The following TAF3 variants were observed in gnomAD, a reference collection of about 807,000 sequenced individuals.
TAF3 encodes transcription initiation factor TFIID subunit 3.
A neutral mutation model predicts 80.6 loss-of-function variants in TAF3; 7 were observed. The ratio of observed to expected loss-of-function variants is 0.09; its 90% confidence interval spans 0.05 to 0.16. TAF3 has a LOEUF of 0.16. Ranked by LOEUF, TAF3 falls within the 10% of genes least tolerant of loss-of-function variation. The pLI, the probability that TAF3 is intolerant of heterozygous loss-of-function variation, is 1.00. For synonymous variants in TAF3, 444 were observed against 446.1 expected (o/e 1.00, Z 0.06); for missense variants, 921 against 1,140.2 (o/e 0.81, Z 2.77).
intron 2 of TAF3, among the ~76,000 whole-genome samples, chr10:7,923,067 T>G (rs1331696749): frequency 6.6e-6 from 1 of 152,096 alleles, no homozygotes; most frequent in African/African-American, 2.4e-5. Flanking sequence ...AGTTTTTTCT[T>G]TCTATATGAA....
chr10:7,970,807 T>C (rs891759794), intron 3 of TAF3, among the ~76,000 whole-genome samples: 6 of 152,244 alleles, frequency 3.9e-5, no homozygotes, highest in African/African-American at 1.4e-4. Flanking sequence ...CGGTTTGTTC[T>C]TTAGAGAATG....
intron 2 of TAF3, among the ~76,000 whole-genome samples, chr10:7,915,570 G>A (rs1432961466): frequency 6.7e-6 from 1 of 150,204 alleles, no homozygotes; most frequent in Non-Finnish European, 1.5e-5. Flanking sequence ...GTGAACCCGG[G>A]AGGCGGATCT....
At chr10:7,914,134 G>T (rs1281021877) in intron 2 of TAF3, among the ~76,000 whole-genome samples, 1 of 152,192 alleles carries the variant, frequency 6.6e-6, no homozygotes, top group African/African-American at 2.4e-5. Context: ...ATATAGACTG[G>T]GTACTAAGAT....
rs147583866 is a variant in TAF3, at chr10:7,874,945, A to G, written c.409+50385A>G. Among the ~76,000 whole-genome samples the G allele has an allele frequency of 2.0e-3, 300 of 152,088 alleles. 1 individual carries two copies. Among genetic ancestry groups the G allele is most frequent in the African/African-American group, 6.4e-3 (264 of 41,518 alleles). ...TCCTTTCTAAACTTTTTAGACTTCT[A>G]GTTTGGAATGTTGTGGTGCCTGCTT... On this transcript the variant is annotated intron_variant, in intron 2 of 6. Transcript: ENST00000344293.
In TAF3 at chr10:7,949,490, G is replaced by A. The variant is rs549156607; in HGVS notation, c.410-14430G>A. Among the ~76,000 whole-genome samples, 6 of 152,300 alleles carry A rather than the reference G, an allele frequency of 3.9e-5. No homozygotes were observed. In the South Asian group the frequency reaches 1.2e-3, roughly 32 times the overall value. Reference sequence around the variant, plus strand: ...CTGTCCTAGCCTTTCCCTTTGCATCGCATTATGTAAGTCCTCCCTTCTTTG... The same window carrying A: ...CTGTCCTAGCCTTTCCCTTTGCATCACATTATGTAAGTCCTCCCTTCTTTG... On this transcript the variant is annotated intron_variant, in intron 2 of 6. Transcript: ENST00000344293.
intron 2 of TAF3, among the ~76,000 whole-genome samples, chr10:7,917,166 CA>C (rs1837719164): frequency 6.6e-6 from 1 of 152,020 alleles, no homozygotes; most frequent in South Asian, 2.1e-4. Flanking sequence ...GGGAGACAGA[CA>C]ATATAAAAGT....
intron 4 of TAF3, among the ~76,000 whole-genome samples, chr10:8,007,249 C>G (rs1221265388): frequency 2.0e-5 from 3 of 151,946 alleles, no homozygotes; most frequent in South Asian, 2.1e-4. Context: ...ATGGATAAAT[C>G]AGGAGACATA....
At chr10:7,970,951 T>A (rs967295344) in intron 3 of TAF3, among the ~76,000 whole-genome samples, 3 of 152,226 alleles carry the variant, frequency 2.0e-5, no homozygotes, top group Non-Finnish European at 2.9e-5. Context: ...GAAGGGTTTT[T>A]TTTGTAAATA....
intron 2 of TAF3, among the ~76,000 whole-genome samples, chr10:7,958,140 C>G (rs917295792): frequency 6.6e-6 from 1 of 150,602 alleles, no homozygotes; most frequent in African/African-American, 2.4e-5. Flanking sequence ...TTCACCTTTA[C>G]CAGTGGTAGA....
chr10:7,999,799 G>A (rs1831926012), intron 4 of TAF3, among the ~76,000 whole-genome samples: 1 of 152,134 alleles, frequency 6.6e-6, no homozygotes. Context: ...CATTGTAGGA[G>A]GTTTTCTCTT....
intron 1 of TAF3, 113 bp from the exon 2 acceptor site, chr10:7,824,205 G>A: frequency 8.2e-7 from 1 of 1,220,150 alleles, no homozygotes; most frequent in Non-Finnish European, 1.1e-6. Context: ...CAATAACTAG[G>A]TTAAAATGTT....
chr10:7,911,057 G>A (rs1837652885), intron 2 of TAF3, among the ~76,000 whole-genome samples: 2 of 152,104 alleles, frequency 1.3e-5, no homozygotes, highest in Non-Finnish European at 2.9e-5. Context: ...GGGTGCAGAT[G>A]GTATTTTGAC....
At chr10:7,825,978 T>C (rs763011999) in intron 2 of TAF3, among the ~76,000 whole-genome samples, 1 of 152,236 alleles carries the variant, frequency 6.6e-6, no homozygotes, top group Non-Finnish European at 1.5e-5. Context: ...TGCCCAAGGG[T>C]TCCAATTTCT....
intron 2 of TAF3, among the ~76,000 whole-genome samples, chr10:7,933,462 A>C (rs958195595): frequency 1.3e-5 from 2 of 152,146 alleles, no homozygotes; most frequent in African/African-American, 4.8e-5. Context: ...CACTTGGGCT[A>C]TTGGACAGCA....
At chr10:7,939,403 A>C (rs1415403877) in intron 2 of TAF3, among the ~76,000 whole-genome samples, 2 of 152,182 alleles carry the variant, frequency 1.3e-5, no homozygotes, top group African/African-American at 2.4e-5. Flanking sequence ...TTTTAGAGCT[A>C]GATTATCTTA....
At position 7,994,992 on chromosome 10, in the gene TAF3, A is replaced by AG. The variant is rs1279209545; in HGVS notation, c.2316-14086_2316-14085insG. 1.3e-4 allele frequency among the ~76,000 whole-genome samples: 20 copies of AG among 151,302 alleles called. No individual in the cohort carries two copies. In the East Asian group the frequency reaches 2.9e-3, roughly 22 times the overall value. Reference sequence around the variant, plus strand: ...CTCAAAAAAAGAAAAAAAAAAAAAAAAAAGAAAAAAGAAATCCTGAGTCTT... The same window carrying AG: ...CTCAAAAAAAGAAAAAAAAAAAAAAAGAAAGAAAAAAGAAATCCTGAGTCTT... On this transcript the variant is annotated intron_variant, in intron 4 of 6. Transcript: ENST00000344293.
intron 4 of TAF3, among the ~76,000 whole-genome samples, chr10:7,992,834 G>T (rs1831847728): frequency 6.6e-6 from 1 of 152,140 alleles, no homozygotes; most frequent in African/African-American, 2.4e-5. Flanking sequence ...AACTTGGATA[G>T]ATTTAACAGT....
intron 4 of TAF3, among the ~76,000 whole-genome samples, chr10:7,994,170 G>A (rs997254712): frequency 1.3e-5 from 2 of 150,840 alleles, no homozygotes; most frequent in African/African-American, 4.9e-5. Context: ...CCTTCATGTT[G>A]CCTACTGGGT....
At position 8,016,473 on chromosome 10, in the gene TAF3, C is replaced by T. The variant is rs1003692905; in HGVS notation, c.*1722C>T. On this transcript the variant is annotated 3_prime_UTR_variant, in exon 7 of 7. Coordinates refer to ENST00000344293, the MANE Select transcript of TAF3 (RefSeq NM_031923.4). ...TTTCTATCCCCGCTAAGAAACAAAGCATCTATGTTGAGATATGTGTTTTTT... is the reference window on the plus strand; with the variant it reads ...TTTCTATCCCCGCTAAGAAACAAAGTATCTATGTTGAGATATGTGTTTTTT... The T allele has an allele frequency of 6.6e-6, 1 of 151,854 alleles. No homozygotes were observed. Among genetic ancestry groups the T allele is most frequent in the Non-Finnish European group, 1.5e-5 (1 of 68,012 alleles). The allele number at this position is 151,854 out of a possible 1,614,324, so 9.4% of individuals were successfully genotyped here.
Sources: gnomAD v4.1 joint callset for allele counts (sites outside exome capture counted in the v4.1 genomes callset) on GRCh38, gnomAD v4.1.1 for gene constraint, MANE v1.5 for transcripts, NCBI Gene and HGNC (gene_info 2026-07-23, HGNC 2026-07-21) for gene names.